The following DBN1 variants were observed in gnomAD, a reference collection of about 807,000 sequenced individuals.
DBN1 encodes drebrin 1, also known as drebrin.
In DBN1, 21 loss-of-function variants were observed where a neutral mutation model predicts 83.5. The ratio of observed to expected loss-of-function variants is 0.25; its 90% CI spans 0.18 to 0.36. The LOEUF (loss-of-function observed/expected upper bound fraction) is 0.36, where lower values mean the gene tolerates loss of function less well. Among genes scored for constraint, DBN1 ranks in the 10% least tolerant of loss-of-function variants. The pLI is 1.00. For missense variants in DBN1, 874 were observed against 935.7 expected, an observed-to-expected ratio of 0.93 and a Z score of 0.86; for synonymous variants, 381 against 384.9, an observed-to-expected ratio of 0.99 and a Z score of 0.12.
chr5:177,464,072 G>A (rs1166163753), intron 8 of DBN1, among the ~76,000 whole-genome samples: 3 of 151,576 alleles, frequency 2.0e-5, no homozygotes, highest in Non-Finnish European at 2.9e-5. Flanking sequence ...CTGAGATGGC[G>A]CCATTGCACT....
intron 12 of DBN1, 102 bp from the exon 13 acceptor site, chr5:177,458,809 C>A: frequency 8.3e-7 from 1 of 1,210,488 alleles, no homozygotes; most frequent in Non-Finnish European, 1.1e-6. Context: ...GACTTCCATG[C>A]AGGTGTCCCA....
At chr5:177,468,698 C>T in intron 2 of DBN1, 146 bp downstream of exon 2, 1 of 490,136 alleles carries the variant, frequency 2.0e-6, no homozygotes. Context: ...ACAGGGATGA[C>T]TGGAGGAAGG....
chr5:177,466,669 C>CA lies in DBN1; in HGVS notation c.771+102dup. On this transcript the variant is annotated intron_variant, in intron 8 of 14. Coordinates refer to ENST00000393565, the MANE Select transcript of DBN1 (RefSeq NM_001363541.2). This position sits in a 1 kb window ranked among gnomAD's most constrained non-coding sequence, Gnocchi z 4.8. ...TGCCCATGCAGCTCCCCAGAACAGC[C>CA]ACCACTGTCCCTGAGCCACTGATCT... The CA allele has an allele frequency of 7.4e-7, 1 of 1,348,470 alleles. No individual in the cohort carries two copies. The highest frequency in any genetic ancestry group is 1.1e-6 in the Non-Finnish European group (1 of 939,102). 83.5% of individuals were successfully genotyped at this position (1,348,470 alleles called of 1,614,324 possible). A position where few individuals can be genotyped will look rare whatever the true frequency, so the allele number is the denominator to read the frequency against.
Position 177,467,686 on chromosome 5 carries a change from G to T in DBN1, c.330+57C>A, listed in dbSNP as rs1238621447. ...CCATCCTCCCGCCATCCCCACCCCAGCACGCAGACCCTGGTGGCTGTCCCC... is the reference window on the plus strand; with the variant it reads ...CCATCCTCCCGCCATCCCCACCCCATCACGCAGACCCTGGTGGCTGTCCCC... On this transcript the variant is annotated intron_variant, in intron 4 of 14. Coordinates refer to ENST00000393565, the MANE Select transcript of DBN1 (RefSeq NM_001363541.2). The surrounding 1 kb of genome is among the most constrained non-coding windows in gnomAD (Gnocchi z 9.1). 1.3e-6 allele frequency: 2 copies of T among 1,554,960 alleles called. No homozygotes were observed. Among genetic ancestry groups the T allele is most frequent in the Non-Finnish European group, 1.7e-6 (2 of 1,149,186 alleles).
chr5:177,459,689 G>C lies in DBN1; in HGVS notation c.1007C>G (p.Ser336Cys). ...IKASDSGPSS[S>C]SSSSSSPPRT... ...TGGAGGGGAGGAGGAGGAAGAGGAG[G>C]AGGAGGAAGGCCCACTGTCCGATGC... Residue 336 changes from serine (S) to cysteine (C), a missense_variant, in exon 11 of 15, where the codon TCC becomes TGC. Ser to Cys is a moderately radical substitution (Grantham distance 112, BLOSUM62 -1). Around this residue, in one of 4 missense-constraint regions of DBN1, gnomAD observed 725 missense variants for 719.7 expected, o/e 1.01. Transcript: ENST00000393565. 1 of 1,591,588 alleles carries C rather than the reference G, an allele frequency of 6.3e-7. No homozygotes were observed. The highest frequency in any genetic ancestry group is 1.1e-5 in the South Asian group (1 of 87,754).
intron 14 of DBN1, 46 bp downstream of exon 14, chr5:177,457,609 C>T (rs1561674856): frequency 7.8e-6 from 12 of 1,530,868 alleles, no homozygotes; most frequent in Non-Finnish European, 1.1e-5. Flanking sequence ...CACTCAAATC[C>T]AGCCCCCGCA....
At chr5:177,465,593 C>A (rs551721722) in intron 8 of DBN1, among the ~76,000 whole-genome samples, 2 of 152,214 alleles carry the variant, frequency 1.3e-5, no homozygotes, top group East Asian at 1.9e-4. Flanking sequence ...CGGTGGCTCA[C>A]GTCTATAATC....
chr5:177,465,766 A>C (rs1013727142), intron 8 of DBN1, among the ~76,000 whole-genome samples: 1 of 151,560 alleles, frequency 6.6e-6, no homozygotes, highest in African/African-American at 2.4e-5. Context: ...GAGGCGGGAG[A>C]ATCGCTTGAA....
intron 13 of DBN1, 128 bp from the exon 14 acceptor site, chr5:177,457,885 C>G: frequency 9.3e-7 from 1 of 1,075,284 alleles, no homozygotes; most frequent in Non-Finnish European, 1.4e-6. Flanking sequence ...AGGATGCCTG[C>G]CTTGGGAACA....
chr5:177,473,627 A>T lies in DBN1; in HGVS notation c.-106T>A. 1.2e-5 allele frequency: 4 copies of T among 334,286 alleles called. No homozygotes were observed. Among genetic ancestry groups the T allele is most frequent in the Non-Finnish European group, 1.6e-5 (4 of 244,082 alleles). The allele number at this position is 334,286 out of a possible 1,614,324, so 20.7% of individuals were successfully genotyped here. A position where few individuals can be genotyped will look rare whatever the true frequency, so the allele number is the denominator to read the frequency against. ...GCCGCCGCCGCCTCGGAGCCTCTGC[A>T]GCGTCGCGAGCCGAGCGAGCCAGCG... On this transcript the variant is annotated 5_prime_UTR_variant, in exon 1 of 15. Coordinates refer to ENST00000393565, the MANE Select transcript of DBN1 (RefSeq NM_001363541.2).
Position 177,473,494 on chromosome 5 carries a change from G to A in DBN1, c.28C>T (p.Arg10Cys). Residue 10 changes from arginine to cysteine, a missense_variant, in exon 1 of 15, where the codon CGC (arginine) becomes TGC (cysteine). Physicochemically the swap from Arg to Cys is radical, Grantham distance 180. This residue lies in a region of DBN1 where 82 missense variants were observed against 101.7 expected (regional missense o/e 0.81). Coordinates refer to ENST00000393565, the MANE Select transcript of DBN1 (RefSeq NM_001363541.2). The stretch of plus-strand genomic sequence containing the variant: ...TCGTAAGCCGCCAGCAGCTCCAGGC[G>A]GTGGCCGCTGAAGCTGACGCCGGCC... MAGVSFSGH[R>C]LELLAAYEEV... The A allele has an allele frequency of 2.1e-6, 3 of 1,434,974 alleles. No homozygotes were observed. Among genetic ancestry groups the A allele is most frequent in the South Asian group, 1.4e-5 (1 of 73,618 alleles). The allele number at this position is 1,434,974 out of a possible 1,614,324, so 88.9% of individuals were successfully genotyped here. A position where few individuals can be genotyped will look rare whatever the true frequency, so the allele number is the denominator to read the frequency against.
Position 177,466,497 on chromosome 5 carries a change from G to C in DBN1, c.771+275C>G, listed in dbSNP as rs1415140248. Among the ~76,000 whole-genome samples the C allele has an allele frequency of 6.6e-6, 1 of 152,188 alleles. No individual in the cohort carries two copies. The highest frequency in any genetic ancestry group is 1.5e-5 in the Non-Finnish European group (1 of 68,036). On this transcript the variant is annotated intron_variant, in intron 8 of 14. Coordinates refer to ENST00000393565, the MANE Select transcript of DBN1 (RefSeq NM_001363541.2). This position sits in a 1 kb window ranked among gnomAD's most constrained non-coding sequence, Gnocchi z 4.8. Reference sequence around the variant, plus strand: ...GCCGAGAAACCCCAGGGCAGGGGAGGGGGAGCCTGGTCAGTGAGGGTCTGG... The same window carrying C: ...GCCGAGAAACCCCAGGGCAGGGGAGCGGGAGCCTGGTCAGTGAGGGTCTGG...
intron 8 of DBN1, among the ~76,000 whole-genome samples, chr5:177,464,412 C>G (rs1757260007): frequency 1.3e-5 from 2 of 151,256 alleles, no homozygotes; most frequent in Non-Finnish European, 2.9e-5. Context: ...TGCCATTGCA[C>G]TCCAGCCTGG....
At chr5:177,459,444 G>A (rs1014490582) in intron 11 of DBN1, among the ~76,000 whole-genome samples, 159 bp downstream of exon 11, 13 of 152,054 alleles carry the variant, frequency 8.5e-5, no homozygotes, top group African/African-American at 2.7e-4. Context: ...GGCCCCTGGA[G>A]GCCAGTGCCC....
At chr5:177,473,378 C>G in intron 1 of DBN1, 58 bp downstream of exon 1, 1 of 1,068,264 alleles carries the variant, frequency 9.4e-7, no homozygotes, top group Non-Finnish European at 1.3e-6. Context: ...GGGAGAGAAA[C>G]AAAGGCGCGG....
rs1468852612 is a variant in DBN1 at position 177,456,683 on chromosome 5, A to AC, written c.*749_*750insG. On this transcript the variant is annotated 3_prime_UTR_variant, in exon 15 of 15. Coordinates refer to ENST00000393565, the MANE Select transcript of DBN1 (RefSeq NM_001363541.2). The stretch of plus-strand genomic sequence containing the variant: ...GAAGTTTGTGCTTTCCAAAAAAAAA[A>AC]AAAAAAAAAAAAAAAAAACAGTTAC... 1.3e-5 allele frequency: 2 copies of AC among 148,746 alleles called. No homozygotes were observed. The highest frequency in any genetic ancestry group is 5.0e-5 in the African/African-American group (2 of 40,190). 9.2% of individuals were successfully genotyped at this position (148,746 alleles called of 1,614,324 possible). A position where few individuals can be genotyped will look rare whatever the true frequency, so the allele number is the denominator to read the frequency against.
chr5:177,462,169 G>T, intron 8 of DBN1: 1 of 957,274 alleles, frequency 1.0e-6, no homozygotes, highest in Non-Finnish European at 1.2e-6. Context: ...ACCCCTGCCT[G>T]ACCTAGCCGT....
Position 177,464,669 on chromosome 5 carries a change from C to T in DBN1, c.771+2103G>A, listed in dbSNP as rs916577927. Among the ~76,000 whole-genome samples, 10 of 151,088 alleles carry T rather than the reference C, an allele frequency of 6.6e-5. 1 individual carries two copies. The highest frequency in any genetic ancestry group is 9.7e-5 in the African/African-American group (4 of 41,036). On this transcript the variant is annotated intron_variant, in intron 8 of 14. Transcript: ENST00000393565. The stretch of plus-strand genomic sequence containing the variant: ...AATAATAAACTTTATCTGCTGGGTG[C>T]GGTGGCTCATGCCTGTAATCCCGGC...
chr5:177,461,389 C>T (rs1416628202), intron 8 of DBN1, among the ~76,000 whole-genome samples: 3 of 151,688 alleles, frequency 2.0e-5, no homozygotes, highest in Admixed American at 6.6e-5. Flanking sequence ...TGAGCCACCG[C>T]GCCCGGCCCC....
Sources: allele counts gnomAD v4.1 joint callset (sites outside exome capture counted in the v4.1 genomes callset), GRCh38; gene constraint gnomAD v4.1.1; regional missense constraint gnomAD v4.1.1; non-coding constraint Gnocchi (gnomAD v3.1); transcripts MANE v1.5; gene names NCBI Gene and HGNC (gene_info 2026-07-23, HGNC 2026-07-21).